The following MACROD1 variants were observed in gnomAD, a reference collection of about 807,000 sequenced individuals.
MACROD1 encodes ADP-ribose glycohydrolase MACROD1.
Under a neutral mutation model 41.4 loss-of-function variants are expected in MACROD1, and 31 were observed. The ratio of observed to expected loss-of-function variants is 0.75; its 90% confidence interval spans 0.56 to 1.01. The LOEUF is 1.01. Ranked by LOEUF, MACROD1 falls within the 50% of genes least tolerant of loss-of-function variation. The probability of loss-of-function intolerance (pLI) is 0.00; values close to 1 mark genes in which losing one functional copy is unlikely to be tolerated. For missense variants in MACROD1, 473 were observed against 460.0 expected (o/e 1.03, Z -0.26); for synonymous variants, 252 against 203.4 (o/e 1.24, Z -2.03).
At chr11:64,160,502 A>G (rs1309263121) in intron 1 of MACROD1, among the ~76,000 whole-genome samples, 1 of 152,138 alleles carries the variant, frequency 6.6e-6, no homozygotes, top group Non-Finnish European at 1.5e-5. Context: ...TCCATCAGAG[A>G]CATGGAGAGA....
At chr11:64,023,713 C>T (rs903709901) in intron 3 of MACROD1, among the ~76,000 whole-genome samples, 4 of 152,230 alleles carry the variant, frequency 2.6e-5, no homozygotes, top group East Asian at 1.9e-4. Flanking sequence ...CTCCTTTCCC[C>T]GACTCCCCTG....
chr11:64,094,143 A>G (rs1205656059), intron 3 of MACROD1, among the ~76,000 whole-genome samples: 1 of 152,202 alleles, frequency 6.6e-6, no homozygotes, highest in East Asian at 1.9e-4. Flanking sequence ...TTAAAAATAC[A>G]AAGCTTAGGC....
chr11:64,057,006 C>T (rs1943798184), intron 3 of MACROD1, among the ~76,000 whole-genome samples: 1 of 152,202 alleles, frequency 6.6e-6, no homozygotes, highest in African/African-American at 2.4e-5. Flanking sequence ...GCTTCTGCGC[C>T]CGTGTCACCC....
intron 3 of MACROD1, among the ~76,000 whole-genome samples, chr11:64,132,221 C>T (rs1329233164): frequency 2.6e-5 from 4 of 152,084 alleles, no homozygotes; most frequent in Non-Finnish European, 5.9e-5. Flanking sequence ...TCAGTGGTCC[C>T]GGGAGGAGAG....
intron 3 of MACROD1, among the ~76,000 whole-genome samples, chr11:64,031,414 A>C (rs1204601303): frequency 6.6e-6 from 1 of 150,490 alleles, no homozygotes; most frequent in African/African-American, 2.5e-5. Context: ...AGGGGAGCAC[A>C]GTGGAGTTAG....
At chr11:64,019,688 A>G (rs1943128028) in intron 3 of MACROD1, among the ~76,000 whole-genome samples, 1 of 152,168 alleles carries the variant, frequency 6.6e-6, no homozygotes, top group South Asian at 2.1e-4. Context: ...AAAGAACAGT[A>G]TGGAGTCCCT....
rs1265501441 is a variant in MACROD1, at chr11:64,082,313, G to A, written c.518-67032C>T. 1.3e-5 allele frequency among the ~76,000 whole-genome samples: 2 copies of A among 152,048 alleles called. No homozygotes were observed. The highest frequency in any genetic ancestry group is 1.9e-4 in the East Asian group (1 of 5,188). Reference sequence around the variant, plus strand: ...CCTGCTCTGAGCAGCCAGCAGAGACGCTGGGTGGAGGATGATCCGGGGGGA... The same window carrying A: ...CCTGCTCTGAGCAGCCAGCAGAGACACTGGGTGGAGGATGATCCGGGGGGA... On this transcript the variant is annotated intron_variant, in intron 3 of 10. Transcript: ENST00000255681. This position sits in a 1 kb window ranked among gnomAD's most constrained non-coding sequence, Gnocchi z 4.5.
At chr11:64,072,107 C>A (rs1264322675) in intron 3 of MACROD1, among the ~76,000 whole-genome samples, 1 of 152,236 alleles carries the variant, frequency 6.6e-6, no homozygotes, top group Non-Finnish European at 1.5e-5. Flanking sequence ...GAACTCATAA[C>A]CGCTGGGGCC....
At chr11:64,141,094 C>A (rs941798446) in intron 3 of MACROD1, among the ~76,000 whole-genome samples, 2 of 152,328 alleles carry the variant, frequency 1.3e-5, no homozygotes, top group Non-Finnish European at 2.9e-5. Flanking sequence ...GTGGTCACAC[C>A]AGTGTACTCC....
chr11:64,037,811 G>T (rs1030695425), intron 3 of MACROD1, among the ~76,000 whole-genome samples: 1 of 152,220 alleles, frequency 6.6e-6, no homozygotes, highest in African/African-American at 2.4e-5. Flanking sequence ...CTGTGCATCC[G>T]CACTCTACCA....
chr11:64,117,015 C>T, intron 3 of MACROD1: 2 of 1,612,562 alleles, frequency 1.2e-6, no homozygotes, highest in South Asian at 1.1e-5. Flanking sequence ...CCTACAGAAC[C>T]TCACAGAGCT....
rs558973738 is a variant in MACROD1, at chr11:64,146,430, C to T, written c.517+4809G>A. 8.5e-5 allele frequency among the ~76,000 whole-genome samples: 13 copies of T among 152,254 alleles called. 1 individual carries two copies. The highest frequency in any genetic ancestry group is 3.1e-4 in the African/African-American group (13 of 41,556). Reference sequence around the variant, plus strand: ...CAGCCCAATTTCATTAAGACGGATGCGCCATGCTCCTGTGGGCAGGAGCCG... The same window carrying T: ...CAGCCCAATTTCATTAAGACGGATGTGCCATGCTCCTGTGGGCAGGAGCCG... On this transcript the variant is annotated intron_variant, in intron 3 of 10. Transcript: ENST00000255681. The surrounding 1 kb of genome is among the most constrained non-coding windows in gnomAD (Gnocchi z 4.7).
chr11:64,048,184 C>A (rs1023137289), intron 3 of MACROD1, among the ~76,000 whole-genome samples: 29 of 152,352 alleles, frequency 1.9e-4, no homozygotes, highest in African/African-American at 5.8e-4. Flanking sequence ...GCCTCTCAGA[C>A]AGACAGGGCT....
In MACROD1 at chr11:64,096,962, G is replaced by T. The variant is rs1229845693; in HGVS notation, c.517+54277C>A. On this transcript the variant is annotated intron_variant, in intron 3 of 10. Coordinates refer to ENST00000255681, the MANE Select transcript of MACROD1 (RefSeq NM_014067.4). The surrounding 1 kb of genome is among the most constrained non-coding windows in gnomAD (Gnocchi z 4.6). ...CGCTCACCCACTCTCTCAGCGTCTGGGCCCGGGAGTTCCTGCCTACCCTTG... is the reference window on the plus strand; with the variant it reads ...CGCTCACCCACTCTCTCAGCGTCTGTGCCCGGGAGTTCCTGCCTACCCTTG... 6.6e-6 allele frequency among the ~76,000 whole-genome samples: 1 copy of T among 152,186 alleles called. No homozygotes were observed. The highest frequency in any genetic ancestry group is 1.5e-5 in the Non-Finnish European group (1 of 68,030).
intron 3 of MACROD1, among the ~76,000 whole-genome samples, chr11:64,025,719 TCC>T (rs1218666611): frequency 8.0e-6 from 1 of 124,912 alleles, no homozygotes; most frequent in African/African-American, 3.0e-5. Context: ...CCCCCCCCGC[TCC>T]TTTTTTTTTT....
intron 3 of MACROD1, among the ~76,000 whole-genome samples, chr11:64,050,951 T>C (rs1370999118): frequency 6.6e-6 from 1 of 152,194 alleles, no homozygotes; most frequent in East Asian, 1.9e-4. Flanking sequence ...TCCAAGACTT[T>C]CTTGTTGCAG....
chr11:64,055,900 G>A (rs1943776707), intron 3 of MACROD1, among the ~76,000 whole-genome samples: 1 of 152,210 alleles, frequency 6.6e-6, no homozygotes, highest in Non-Finnish European at 1.5e-5. Flanking sequence ...TGGCAGGCAG[G>A]GCACAGCAGG....
chr11:64,001,140 G>A (rs1049657223), intron 4 of MACROD1: 1 of 438,128 alleles, frequency 2.3e-6, no homozygotes, highest in East Asian at 3.9e-5. Context: ...CGGGAGGCAT[G>A]GAGGAAACGC....
chr11:64,072,263 A>G lies in MACROD1; in HGVS notation c.518-56982T>C, dbSNP rs1007299104. ...CTGCACCCAACCCACAGATGGGTAC[A>G]GGGGTGATGCCGGCCCTGGAGAGCC... On this transcript the variant is annotated intron_variant, in intron 3 of 10. Coordinates refer to ENST00000255681, the MANE Select transcript of MACROD1 (RefSeq NM_014067.4). Among the ~76,000 whole-genome samples, 5 of 152,122 alleles carry G rather than the reference A, an allele frequency of 3.3e-5. No individual in the cohort carries two copies. In the South Asian group the frequency reaches 1.0e-3, roughly 32 times the overall value.
Sources: allele counts gnomAD v4.1 joint callset (sites outside exome capture counted in the v4.1 genomes callset), GRCh38; gene constraint gnomAD v4.1.1; non-coding constraint Gnocchi (gnomAD v3.1); transcripts MANE v1.5; gene names NCBI Gene and HGNC (gene_info 2026-07-23, HGNC 2026-07-21).